The following LOC400499 variants were observed in gnomAD, a reference collection of about 807,000 sequenced individuals.
chr16:11,521,691 C>A, the LOC400499 span, among the ~76,000 whole-genome samples: 6,307 of 152,208 alleles, frequency 0.041, 407 homozygotes, highest in African/African-American at 0.14. Flanking sequence ...TCTCACTCCA[C>A]GAACTCCCCC....
chr16:11,504,848 G>A, the LOC400499 span, among the ~76,000 whole-genome samples: 4 of 152,098 alleles, frequency 2.6e-5, no homozygotes, highest in African/African-American at 9.7e-5. Flanking sequence ...ACTTGAACTC[G>A]GGAGGCAGAG....
At chr16:11,499,995 G>T in the LOC400499 span, among the ~76,000 whole-genome samples, 2 of 152,082 alleles carry the variant, frequency 1.3e-5, no homozygotes, top group Non-Finnish European at 2.9e-5. Context: ...ACACCTCAAG[G>T]GTTAAATGAG....
chr16:11,488,198 G>C, the LOC400499 span, among the ~76,000 whole-genome samples: 3 of 151,718 alleles, frequency 2.0e-5, no homozygotes, highest in South Asian at 2.1e-4. Context: ...TCTTTACAGA[G>C]AGTTAAGGTG....
At chr16:11,458,086 A>C in the LOC400499 span, among the ~76,000 whole-genome samples, 4 of 151,942 alleles carry the variant, frequency 2.6e-5, no homozygotes, top group Non-Finnish European at 5.9e-5. Flanking sequence ...GGCTCACGCC[A>C]GTAATCCCAA....
At chr16:11,523,639 TG>T in the LOC400499 span, 1 of 392,266 alleles carries the variant, frequency 2.5e-6, no homozygotes, top group Non-Finnish European at 4.5e-6. Context: ...CCACAAAGAC[TG>T]GAAGTGATTG....
chr16:11,413,547 TG>T, the LOC400499 span, among the ~76,000 whole-genome samples: 31 of 152,134 alleles, frequency 2.0e-4, no homozygotes, highest in African/African-American at 7.5e-4. Context: ...TGGCCCCATG[TG>T]GGTTCCTCTT....
chr16:11,384,336 G>A, the LOC400499 span: 3 of 1,220,624 alleles, frequency 2.5e-6, no homozygotes, highest in East Asian at 3.2e-5. Context: ...CTGTGGGGAA[G>A]AGGGAAGCGG....
At chr16:11,459,929 G>C in the LOC400499 span, 1 of 1,493,522 alleles carries the variant, frequency 6.7e-7, no homozygotes, top group Non-Finnish European at 8.9e-7. Flanking sequence ...CGGGCCCCGA[G>C]TCATTCTTGA....
the LOC400499 span, among the ~76,000 whole-genome samples, chr16:11,521,045 A>T: frequency 9.4e-3 from 1,436 of 152,332 alleles, 23 homozygotes; most frequent in African/African-American, 0.029. Flanking sequence ...AACAACCACA[A>T]GTGTTTTGAA....
the LOC400499 span, chr16:11,391,535 G>A: frequency 2.7e-6 from 2 of 731,064 alleles, no homozygotes; most frequent in Non-Finnish European, 3.8e-6. Flanking sequence ...CTGGGCTACA[G>A]GCCCATGGGA....
At chr16:11,492,651 G>A in the LOC400499 span, among the ~76,000 whole-genome samples, 5 of 152,072 alleles carry the variant, frequency 3.3e-5, no homozygotes, top group Admixed American at 3.3e-4. Flanking sequence ...CGGGCGTGGT[G>A]GCGGGCACCT....
the LOC400499 span, among the ~76,000 whole-genome samples, chr16:11,420,907 G>A: frequency 6.6e-6 from 1 of 152,210 alleles, no homozygotes. Context: ...ACCACAGGAG[G>A]TCCAGGTCTG....
At chr16:11,475,304 A>G in the LOC400499 span, among the ~76,000 whole-genome samples, 1 of 152,214 alleles carries the variant, frequency 6.6e-6, no homozygotes, top group African/African-American at 2.4e-5. Context: ...TGTTCTGCAC[A>G]TGTATCCCAG....
chr16:11,431,328 G>C, the LOC400499 span: 1 of 398,194 alleles, frequency 2.5e-6, no homozygotes, highest in Non-Finnish European at 4.4e-6. Flanking sequence ...GATGACCTGG[G>C]ACAAGGACAT....
At chr16:11,510,666 C>A in the LOC400499 span, among the ~76,000 whole-genome samples, 1 of 151,584 alleles carries the variant, frequency 6.6e-6, no homozygotes, top group Non-Finnish European at 1.5e-5. Context: ...ACAGGCCTGT[C>A]CCCAGAGCCC....
the LOC400499 span, among the ~76,000 whole-genome samples, chr16:11,525,216 T>A: frequency 6.6e-6 from 1 of 151,414 alleles, no homozygotes; most frequent in South Asian, 2.1e-4. Context: ...CAGGTGGAGA[T>A]TGCAGTGAGC....
the LOC400499 span, among the ~76,000 whole-genome samples, chr16:11,483,170 G>A: frequency 5.3e-5 from 8 of 152,348 alleles, no homozygotes; most frequent in Non-Finnish European, 8.8e-5. Context: ...GAGTGTTGGT[G>A]AGGATGTGGA....
At chr16:11,475,792 G>A in the LOC400499 span, 58 of 396,382 alleles carry the variant, frequency 1.5e-4, no homozygotes, top group Non-Finnish European at 1.8e-4. Flanking sequence ...TGAGCTGCCA[G>A]AGCTTGGCAC....
At chr16:11,384,455 C>T in the LOC400499 span, 4 of 452,674 alleles carry the variant, frequency 8.8e-6, no homozygotes, top group South Asian at 1.2e-4. Flanking sequence ...AGTCCCACCA[C>T]CTCCACCCCG....
Sources: allele counts gnomAD v4.1 joint callset (sites outside exome capture counted in the v4.1 genomes callset), GRCh38; gene constraint gnomAD v4.1.1; transcripts MANE v1.5.